The following IQCM variants were observed in gnomAD, a reference collection of about 807,000 sequenced individuals.
IQCM encodes the protein IQ motif containing M.
In IQCM, 45 loss-of-function variants were observed where a neutral mutation model predicts 57.6. That is an observed-to-expected ratio of 0.78 (90% CI 0.62 to 1.00). IQCM has a LOEUF of 1.00. Among genes scored for constraint, IQCM ranks in the 50% least tolerant of loss-of-function variants. IQCM has a pLI of 0.00. For synonymous variants in IQCM, 148 were observed against 158.9 expected (o/e 0.93, Z 0.51); for missense variants, 468 against 511.6 (o/e 0.91, Z 0.82).
chr4:149,739,622 T>C (rs1767267913), intron 3 of IQCM, among the ~76,000 whole-genome samples: 1 of 152,116 alleles, frequency 6.6e-6, no homozygotes, highest in Non-Finnish European at 1.5e-5. Context: ...ATAGGATTCT[T>C]CATGTTATTA....
intron 2 of IQCM, among the ~76,000 whole-genome samples, chr4:149,774,714 TC>T (rs1328175000): frequency 6.6e-6 from 1 of 151,116 alleles, no homozygotes; most frequent in Non-Finnish European, 1.5e-5. Context: ...CGAGGGAGCT[TC>T]TTCCTTCTCT....
chr4:149,801,784 TG>T (rs1773627027), intron 2 of IQCM, among the ~76,000 whole-genome samples: 2 of 152,018 alleles, frequency 1.3e-5, no homozygotes, highest in African/African-American at 4.8e-5. Flanking sequence ...GGATGATTAA[TG>T]GGTACCAAAA....
At chr4:149,785,132 G>A (rs1431450821) in intron 2 of IQCM, among the ~76,000 whole-genome samples, 2 of 152,104 alleles carry the variant, frequency 1.3e-5, no homozygotes, top group African/African-American at 4.8e-5. Flanking sequence ...GATCTAGGCA[G>A]GAAAAATAAT....
chr4:149,787,212 G>A (rs1453881289), intron 2 of IQCM, among the ~76,000 whole-genome samples: 7 of 151,910 alleles, frequency 4.6e-5, no homozygotes, highest in African/African-American at 1.7e-4. Context: ...AGGTCAATAG[G>A]TGCAGCAAAC....
intron 12 of IQCM, among the ~76,000 whole-genome samples, chr4:149,504,369 A>G (rs1743569316): frequency 6.6e-6 from 1 of 152,188 alleles, no homozygotes; most frequent in Non-Finnish European, 1.5e-5. Flanking sequence ...CACTTAATAA[A>G]TATTTACTGA....
At position 149,810,941 on chromosome 4, in the gene IQCM, G is replaced by A. The variant is rs146082310; in HGVS notation, c.-49+4370C>T. The stretch of plus-strand genomic sequence containing the variant: ...TAACATATCTGCCAATTAAACACTC[G>A]AAGTAGTAGGTGGTGCCTGAACCCT... On this transcript the variant is annotated intron_variant, in intron 2 of 13. Coordinates refer to ENST00000636793, the MANE Select transcript of IQCM (RefSeq NM_001363507.2). Among the ~76,000 whole-genome samples, 110 of 152,070 alleles carry A rather than the reference G, an allele frequency of 7.2e-4. 1 individual carries two copies. The highest frequency in any genetic ancestry group is 2.5e-3 in the African/African-American group (104 of 41,472).
chr4:149,730,587 T>C (rs1402325714), intron 5 of IQCM, among the ~76,000 whole-genome samples: 1 of 152,220 alleles, frequency 6.6e-6, no homozygotes, highest in East Asian at 1.9e-4. Context: ...AGATCCACTG[T>C]CAGGTAGATG....
At chr4:149,576,281 T>C (rs1751641222) in intron 9 of IQCM, among the ~76,000 whole-genome samples, 1 of 151,728 alleles carries the variant, frequency 6.6e-6, no homozygotes, top group East Asian at 2.0e-4. Flanking sequence ...AAAAAGTAGT[T>C]TTTTGATCCT....
chr4:149,513,475 C>T (rs888321210), intron 12 of IQCM, among the ~76,000 whole-genome samples: 6 of 151,842 alleles, frequency 4.0e-5, no homozygotes, highest in Non-Finnish European at 8.8e-5. Flanking sequence ...ATAAATAATG[C>T]AAGCTTTCCA....
chr4:149,757,264 A>C (rs10021126), intron 2 of IQCM, among the ~76,000 whole-genome samples: 34,299 of 151,804 alleles, frequency 0.23, 6,163 homozygotes, highest in African/African-American at 0.49. Flanking sequence ...CTCAAAAAAA[A>C]ATAAGGCCAA....
At chr4:149,573,745 A>G (rs1438907511) in intron 9 of IQCM, among the ~76,000 whole-genome samples, 2 of 150,074 alleles carry the variant, frequency 1.3e-5, no homozygotes, top group East Asian at 3.9e-4. Flanking sequence ...AAACTAACCC[A>G]GGCAACCTAG....
chr4:149,368,887 T>C (rs1168296176), intron 13 of IQCM, among the ~76,000 whole-genome samples: 5 of 79,220 alleles, frequency 6.3e-5, no homozygotes, highest in African/African-American at 1.8e-4. Context: ...CGTGTATATA[T>C]ATGTATATAT....
intron 7 of IQCM, among the ~76,000 whole-genome samples, chr4:149,677,502 T>A (rs1761850116): frequency 6.6e-6 from 1 of 151,874 alleles, no homozygotes; most frequent in Non-Finnish European, 1.5e-5. Flanking sequence ...TGCCTGACAG[T>A]AAAGAACCTA....
chr4:149,711,603 A>G (rs925627054), intron 5 of IQCM, among the ~76,000 whole-genome samples: 19 of 152,232 alleles, frequency 1.2e-4, no homozygotes, highest in Non-Finnish European at 1.5e-5. Flanking sequence ...TCAATAAAGC[A>G]GTGGAAGCAT....
At chr4:149,592,313 T>G (rs1753271784) in intron 8 of IQCM, among the ~76,000 whole-genome samples, 1 of 152,204 alleles carries the variant, frequency 6.6e-6, no homozygotes, top group Non-Finnish European at 1.5e-5. Flanking sequence ...TTTGATTTTT[T>G]TTCTTGTAAA....
At chr4:149,463,310 C>A (rs1738506284) in intron 12 of IQCM, among the ~76,000 whole-genome samples, 1 of 152,146 alleles carries the variant, frequency 6.6e-6, no homozygotes, top group Non-Finnish European at 1.5e-5. Context: ...TGGAAGGAAA[C>A]AGAAGCCGAA....
intron 13 of IQCM, among the ~76,000 whole-genome samples, chr4:149,371,047 T>C (rs1447706365): frequency 2.0e-5 from 3 of 152,164 alleles, no homozygotes; most frequent in Non-Finnish European, 2.9e-5. Flanking sequence ...TTCCTTCTTT[T>C]AGACTTAGAA....
At chr4:149,360,768 A>G (rs142672342) in intron 13 of IQCM, among the ~76,000 whole-genome samples, 2 of 152,240 alleles carry the variant, frequency 1.3e-5, no homozygotes, top group East Asian at 1.9e-4. Flanking sequence ...TTTTCTTCCT[A>G]GTCTTGGATA....
chr4:149,752,669 G>A (rs539959161), intron 2 of IQCM, among the ~76,000 whole-genome samples: 1 of 152,076 alleles, frequency 6.6e-6, no homozygotes, highest in Admixed American at 6.6e-5. Flanking sequence ...AATACAGAGG[G>A]GTGATGGGAC....
Sources: gnomAD v4.1 joint callset for allele counts (sites outside exome capture counted in the v4.1 genomes callset) on GRCh38, gnomAD v4.1.1 for gene constraint, MANE v1.5 for transcripts, NCBI Gene and HGNC (gene_info 2026-07-23, HGNC 2026-07-21) for gene names.